NHS: variants seen among roughly 807,000 people sequenced by gnomAD.
NHS encodes NHS actin remodeling regulator, also known as actin remodeling regulator NHS.
In NHS, 5 loss-of-function variants were observed where a neutral mutation model predicts 72.5. That is an observed-to-expected ratio of 0.07 (90% CI 0.04 to 0.14). The LOEUF is 0.14. Ranked by LOEUF, NHS falls within the 10% of genes least tolerant of loss-of-function variation. The probability of loss-of-function intolerance (pLI) is 1.00; values close to 1 mark genes in which losing one functional copy is unlikely to be tolerated. For missense variants in NHS, 1,072 were observed against 1,355.7 expected (o/e 0.79, Z 3.29); for synonymous variants, 464 against 547.7 (o/e 0.85, Z 2.13).
chrX:17,525,638 CTTTTTTTT>C (rs1162709869), intron 1 of NHS, among the ~76,000 whole-genome samples: 1 of 53,061 alleles, frequency 1.9e-5, no homozygotes, highest in Non-Finnish European at 3.6e-5. Context: ...TCTTTCTTTT[CTTTTTTTT>C]TTTTTTTTTT....
intron 1 of NHS, among the ~76,000 whole-genome samples, chrX:17,525,638 CTTTTT>C (rs1162709869): frequency 1.9e-5 from 1 of 53,060 alleles, no homozygotes; most frequent in Admixed American, 2.1e-4. Flanking sequence ...TCTTTCTTTT[CTTTTT>C]TTTTTTTTTT....
intron 1 of NHS, among the ~76,000 whole-genome samples, chrX:17,539,371 G>C (rs1175385942): frequency 1.8e-5 from 2 of 109,531 alleles, no homozygotes; most frequent in African/African-American, 3.3e-5. Context: ...CATATAATTG[G>C]TTTATTTAAC....
chrX:17,507,099 A>G (rs1424548153), intron 1 of NHS, among the ~76,000 whole-genome samples: 5 of 112,641 alleles, frequency 4.4e-5, no homozygotes, highest in Non-Finnish European at 9.4e-5. Flanking sequence ...TTACAATCCC[A>G]TTGGCCAGTC....
In NHS at chrX:17,565,410, A is replaced by G. The variant is rs182079996; in HGVS notation, c.566-122332A>G. On this transcript the variant is annotated intron_variant, in intron 1 of 8. Coordinates refer to ENST00000676302, the MANE Select transcript of NHS (RefSeq NM_001291867.2). ...ACATAATCATGAGAAATCATAAATCATTGTTGTTTTAAGTTACTAGATTTT... is the reference window on the plus strand; with the variant it reads ...ACATAATCATGAGAAATCATAAATCGTTGTTGTTTTAAGTTACTAGATTTT... 4.4e-5 allele frequency among the ~76,000 whole-genome samples: 5 copies of G among 112,665 alleles called. No homozygotes were observed. The East Asian group carries it at 1.1e-3, about 25-fold the overall frequency.
At chrX:17,638,689 T>C (rs1485617822) in intron 1 of NHS, among the ~76,000 whole-genome samples, 1 of 112,373 alleles carries the variant, frequency 8.9e-6, no homozygotes, top group African/African-American at 3.2e-5. Flanking sequence ...CTTGTTGTAT[T>C]CTTTAAACGA....
intron 1 of NHS, among the ~76,000 whole-genome samples, chrX:17,537,870 G>A (rs1016135327): frequency 2.7e-5 from 3 of 111,723 alleles, no homozygotes; most frequent in Admixed American, 9.5e-5. Context: ...GGGGGCACGC[G>A]ACGCCTGAAT....
At chrX:17,412,424 G>A (rs1168981317) in intron 1 of NHS, among the ~76,000 whole-genome samples, 3 of 109,652 alleles carry the variant, frequency 2.7e-5, no homozygotes, top group Non-Finnish European at 3.8e-5. Context: ...GCAAAACCCC[G>A]TCTCTACTAA....
chrX:17,648,585 C>A (rs1310270017), intron 1 of NHS, among the ~76,000 whole-genome samples: 1 of 112,513 alleles, frequency 8.9e-6, no homozygotes, highest in Non-Finnish European at 1.9e-5. Context: ...AATTTTTATA[C>A]ACATAAATTA....
intron 1 of NHS, among the ~76,000 whole-genome samples, chrX:17,406,468 G>A (rs1026081065): frequency 3.6e-5 from 4 of 111,447 alleles, no homozygotes; most frequent in Non-Finnish European, 7.5e-5. Flanking sequence ...TTACATCTCT[G>A]TGAGCTGTGG....
chrX:17,407,295 C>T (rs1255598438), intron 1 of NHS, among the ~76,000 whole-genome samples: 1 of 111,005 alleles, frequency 9.0e-6, no homozygotes, highest in Admixed American at 9.6e-5. Context: ...TTTCACCCTC[C>T]CTTCTCATCC....
intron 1 of NHS, among the ~76,000 whole-genome samples, chrX:17,591,318 C>T (rs900569602): frequency 1.8e-5 from 2 of 111,710 alleles, no homozygotes; most frequent in Admixed American, 9.5e-5. Context: ...CCAATAGGCA[C>T]CCCTGGTTGG....
rs151101283 is a variant in NHS, at chrX:17,505,627, GT to G, written c.565+129319del. On this transcript the variant is annotated intron_variant, in intron 1 of 8. Coordinates refer to ENST00000676302, the MANE Select transcript of NHS (RefSeq NM_001291867.2). ...AATGAATAGTGACACCGGGATCAGT[GT>G]TTTTTTTTTTTTTCCATATGAGGAA... 3.0e-3 allele frequency among the ~76,000 whole-genome samples: 296 copies of G among 99,451 alleles called. 2 individuals carry two copies. The highest frequency in any genetic ancestry group is 0.01 in the South Asian group (23 of 2,231). 86.4% of individuals were successfully genotyped at this position (99,451 alleles called of 115,157 possible).
intron 1 of NHS, among the ~76,000 whole-genome samples, chrX:17,534,095 A>ATT (rs1342292394): frequency 1.5e-4 from 8 of 54,121 alleles, no homozygotes; most frequent in African/African-American, 6.9e-4. Flanking sequence ...CTGAAAGGTC[A>ATT]TTGTGTGTGT....
In NHS at chrX:17,733,204, T is replaced by C. The variant is rs1647102271; in HGVS notation, c.*740T>C. 1 of 112,694 alleles carries C rather than the reference T, an allele frequency of 8.9e-6. No homozygotes were observed. The highest frequency in any genetic ancestry group is 3.2e-5 in the African/African-American group (1 of 30,831). The allele number at this position is 112,694 out of a possible 1,213,427, so 9.3% of individuals were successfully genotyped here. Reference sequence around the variant, plus strand: ...AAAATAATGAATTCAGATCTAATCATTTTTATGACAAATTGCAGCACCAAA... The same window carrying C: ...AAAATAATGAATTCAGATCTAATCACTTTTATGACAAATTGCAGCACCAAA... On this transcript the variant is annotated 3_prime_UTR_variant, in exon 9 of 9. Transcript: ENST00000676302.
In NHS at chrX:17,418,422, A is replaced by G. The variant is rs761282627; in HGVS notation, c.565+42100A>G. 2.1e-4 allele frequency among the ~76,000 whole-genome samples: 23 copies of G among 111,345 alleles called. No homozygotes were observed. The South Asian group carries it at 8.0e-3, about 39-fold the overall frequency. On this transcript the variant is annotated intron_variant, in intron 1 of 8. Coordinates refer to ENST00000676302, the MANE Select transcript of NHS (RefSeq NM_001291867.2). ...TAATTTCCTCCTACATTTCTGGGAG[A>G]AATTTTACAACTACAGTTTCTTCAG... is the stretch of plus-strand genomic sequence containing the variant.
chrX:17,671,396 C>T (rs1037478085), intron 1 of NHS, among the ~76,000 whole-genome samples: 2 of 112,479 alleles, frequency 1.8e-5, no homozygotes, highest in Non-Finnish European at 3.7e-5. Flanking sequence ...CAGCCTGACT[C>T]CTATGCATCA....
chrX:17,426,421 G>C (rs1284188554), intron 1 of NHS, among the ~76,000 whole-genome samples: 1 of 111,747 alleles, frequency 8.9e-6, no homozygotes, highest in Admixed American at 9.5e-5. Flanking sequence ...ACCTGAGAGA[G>C]AGCTTCATGA....
chrX:17,502,132 G>A (rs951307948), intron 1 of NHS, among the ~76,000 whole-genome samples: 4 of 111,640 alleles, frequency 3.6e-5, no homozygotes, highest in Non-Finnish European at 7.5e-5. Flanking sequence ...GTCTCCTCGG[G>A]TCTCCTCCAT....
chrX:17,620,886 G>T, intron 1 of NHS, among the ~76,000 whole-genome samples: 1 of 111,485 alleles, frequency 9.0e-6, no homozygotes, highest in South Asian at 3.8e-4. Context: ...GAAAAGTGGA[G>T]GGTTGAAGGA....
Sources: allele counts gnomAD v4.1 joint callset (sites outside exome capture counted in the v4.1 genomes callset), GRCh38; gene constraint gnomAD v4.1.1; transcripts MANE v1.5; gene names NCBI Gene and HGNC (gene_info 2026-07-23, HGNC 2026-07-21).